MED21: variants seen among roughly 807,000 people sequenced by gnomAD.
The protein encoded by MED21 is mediator of RNA polymerase II transcription subunit 21.
MED21 carries 9 observed loss-of-function variants against 18.2 expected under a neutral mutation model. The ratio of observed to expected loss-of-function variants is 0.49; its 90% confidence interval spans 0.30 to 0.86. The LOEUF is 0.86. Among genes scored for constraint, MED21 ranks in the 40% least tolerant of loss-of-function variants. The pLI, the probability that MED21 is intolerant of heterozygous loss-of-function variation, is 0.07. For missense variants in MED21, 150 were observed against 170.9 expected (o/e 0.88, Z 0.68); for synonymous variants, 73 against 60.5 (o/e 1.21, Z -0.96).
chr12:27,033,897 A>G (rs1941634573), downstream of MED21, among the ~76,000 whole-genome samples: 1 of 152,246 alleles, frequency 6.6e-6, no homozygotes, highest in Non-Finnish European at 1.5e-5. Context: ...ATTAGGATAA[A>G]AAGTTGAAAA....
chr12:27,031,017 C>G (rs564005778), downstream of MED21, among the ~76,000 whole-genome samples: 4 of 152,362 alleles, frequency 2.6e-5, no homozygotes, highest in South Asian at 6.2e-4. Context: ...AAGTGATTCT[C>G]CTGCCTCAGC....
At chr12:27,037,318 T>C (rs935644853) in intron 2 of MED21, 1 of 151,986 alleles carries the variant, frequency 6.6e-6, no homozygotes, top group Non-Finnish European at 1.5e-5. Context: ...TGAAGTTGCT[T>C]ATCAGCTTAA....
In MED21 at chr12:27,022,559, T is replaced by A. The variant is rs753300666; in HGVS notation, c.-21T>A. ...TCGCGGAAGAGCAGCTGTTTTGGCG[T>A]CTGTTTGCTGCGGTAGGAACATGGC... On this transcript the variant is annotated 5_prime_UTR_variant, in exon 1 of 4. Transcript: ENST00000282892. 1 of 1,531,690 alleles carries A rather than the reference T, an allele frequency of 6.5e-7. No individual in the cohort carries two copies. Among genetic ancestry groups the A allele is most frequent in the Non-Finnish European group, 8.8e-7 (1 of 1,132,894 alleles). The allele number at this position is 1,531,690 out of a possible 1,614,324, so 94.9% of individuals were successfully genotyped here.
intron 2 of MED21, among the ~76,000 whole-genome samples, chr12:27,035,758 G>T (rs1233412446): frequency 6.6e-6 from 1 of 151,736 alleles, no homozygotes; most frequent in African/African-American, 2.4e-5. Context: ...TCCCTACAAA[G>T]GACATGAACT....
At chr12:27,032,758 T>G (rs982968354), downstream of MED21, among the ~76,000 whole-genome samples, 1 of 152,220 alleles carries the variant, frequency 6.6e-6, no homozygotes. Context: ...TCAAAATAAT[T>G]AGTTGAACTA....
rs2136488555 is a variant in MED21 at position 27,028,532 on chromosome 12, A to T, written c.*71A>T. 1 of 1,522,136 alleles carries T rather than the reference A, an allele frequency of 6.6e-7. No homozygotes were observed. The highest frequency in any genetic ancestry group is 1.8e-4 in the Middle Eastern group (1 of 5,664). The allele number at this position is 1,522,136 out of a possible 1,614,324, so 94.3% of individuals were successfully genotyped here. On this transcript the variant is annotated 3_prime_UTR_variant, in exon 4 of 4. Transcript: ENST00000282892. ...ATTAAGAATTCTGCATCAGACTTAG[A>T]TACAAGCCTTACCAACAATTACAGA...
chr12:27,034,034 GAA>G (rs760125587), downstream of MED21, among the ~76,000 whole-genome samples: 39 of 152,194 alleles, frequency 2.6e-4, no homozygotes, highest in Middle Eastern at 3.4e-3. Context: ...GAGTATGGCT[GAA>G]AAAAGAGTTT....
chr12:27,031,713 C>G (rs1479566392), downstream of MED21, among the ~76,000 whole-genome samples: 1 of 151,882 alleles, frequency 6.6e-6, no homozygotes, highest in Non-Finnish European at 1.5e-5. Flanking sequence ...AAAAAAAATG[C>G]TACTACAAAC....
intron 1 of MED21, among the ~76,000 whole-genome samples, chr12:27,023,370 G>A (rs1292912622): frequency 7.3e-6 from 1 of 136,070 alleles, no homozygotes; most frequent in Non-Finnish European, 1.5e-5. Context: ...CGCGATCTCT[G>A]CTCACTGCAT....
intron 2 of MED21, 56 bp downstream of exon 2, chr12:27,026,590 TTAAAA>T (rs1941547976): frequency 9.1e-7 from 1 of 1,095,758 alleles, no homozygotes; most frequent in African/African-American, 1.6e-5. Flanking sequence ...TTGTAATCCT[TTAAAA>T]TTAGATTTCT....
Position 27,022,592 on chromosome 12 carries a change from C to A in MED21, c.13C>A (p.Leu5Ile). The A allele has an allele frequency of 6.3e-7, 1 of 1,576,730 alleles. No homozygotes were observed. The highest frequency in any genetic ancestry group is 8.6e-7 in the Non-Finnish European group (1 of 1,156,476). Residue 5 changes from leucine to isoleucine, a missense_variant, in exon 1 of 4, where the codon CTC becomes ATC. Leu to Ile is a conservative substitution (Grantham distance 5). Transcript: ENST00000282892. ...CTGCGGTAGGAACATGGCGGATCGG[C>A]TCACGCAGCTTCAGGACGCTGTGAA... MADR[L>I]TQLQDAVNSL... is the part of the protein sequence containing the mutation.
chr12:27,022,728 G>C (rs1273308459), intron 1 of MED21, 107 bp downstream of exon 1: 8 of 1,595,088 alleles, frequency 5.0e-6, no homozygotes, highest in Non-Finnish European at 6.8e-6. Context: ...CGGACTGAGA[G>C]ACAGGGCTTC....
In MED21 at chr12:27,028,424, G is replaced by C; in HGVS notation, c.398G>C (p.Arg133Thr). ...ATTGCACAGTCACAGCTGAAGACAA[G>C]AAGTGGTACCCATAGCCAGTCTCTT... ...ADIAQSQLKT[R>T]SGTHSQSLPD... The change falls in exon 4 of 4, where the codon AGA becomes ACA. Residue 133 changes from arginine to threonine, a missense_variant. Transcript: ENST00000282892. 6.2e-7 allele frequency: 1 copy of C among 1,614,106 alleles called. No individual in the cohort carries two copies. The highest frequency in any genetic ancestry group is 1.7e-5 in the Admixed American group (1 of 60,008).
chr12:27,035,684 C>T (rs1433199465), downstream of MED21, among the ~76,000 whole-genome samples: 16 of 147,532 alleles, frequency 1.1e-4, no homozygotes, highest in South Asian at 2.2e-4. Flanking sequence ...TGAGAACATG[C>T]GGTGTTTGGT....
chr12:27,026,527 T>C lies in MED21; in HGVS notation c.150T>C (p.Pro50=), dbSNP rs1339130192. The change falls in exon 2 of 4, where the codon CCT becomes CCC. Residue 50 remains proline (P), a synonymous_variant. Transcript: ENST00000282892. ...TTAACAAAGACCAGCCAGCTAACCC[T>C]ACAGAAGGTAAACAGGTTTTCTTAG... is the stretch of plus-strand genomic sequence containing the variant. ...TAINKDQPAN[P]TEEYAQLFAA... is the part of the protein sequence containing the mutation. 1.2e-6 allele frequency: 2 copies of C among 1,609,402 alleles called. No individual in the cohort carries two copies. Among genetic ancestry groups the C allele is most frequent in the African/African-American group, 1.3e-5 (1 of 74,808 alleles).
Position 27,030,086 on chromosome 12 carries a change from A to C in MED21, c.*1625A>C, listed in dbSNP as rs1247454583. The stretch of plus-strand genomic sequence containing the variant: ...TTTGTTATTTGAAAGAAAAAAATTA[A>C]CGTTGTTGTATGTGATTCTCTGTAG... On this transcript the variant is annotated 3_prime_UTR_variant, in exon 4 of 4. Transcript: ENST00000282892. The C allele has an allele frequency of 2.1e-5, 10 of 474,974 alleles. No homozygotes were observed. In the East Asian group the frequency reaches 3.2e-4, roughly 15 times the overall value. The allele number at this position is 474,974 out of a possible 1,614,324, so 29.4% of individuals were successfully genotyped here.
chr12:27,035,217 A>T (rs1162305390), downstream of MED21, among the ~76,000 whole-genome samples: 2 of 152,172 alleles, frequency 1.3e-5, no homozygotes, highest in Non-Finnish European at 2.9e-5. Flanking sequence ...TCTCAAACAA[A>T]ATAAAAACAA....
At chr12:27,036,055 A>G (rs1234139555) in intron 2 of MED21, among the ~76,000 whole-genome samples, 4 of 152,216 alleles carry the variant, frequency 2.6e-5, no homozygotes, top group Non-Finnish European at 5.9e-5. Context: ...AGTCCCACCA[A>G]TAGTGTAAAA....
chr12:27,029,702 T>C lies in MED21; in HGVS notation c.*1241T>C, dbSNP rs1941592226. On this transcript the variant is annotated 3_prime_UTR_variant, in exon 4 of 4. Transcript: ENST00000282892. Reference sequence around the variant, plus strand: ...GGCTAGTCATAGAAAATTTTTGAACTTTTAACTGTATTTTAATTGATGTTT... The same window carrying C: ...GGCTAGTCATAGAAAATTTTTGAACCTTTAACTGTATTTTAATTGATGTTT... 6 of 985,348 alleles carry C rather than the reference T, an allele frequency of 6.1e-6. No homozygotes were observed. The Admixed American group carries it at 1.8e-4, about 30-fold the overall frequency. 61.0% of individuals were successfully genotyped at this position (985,348 alleles called of 1,614,324 possible).
Sources: allele counts gnomAD v4.1 joint callset (sites outside exome capture counted in the v4.1 genomes callset), GRCh38; gene constraint gnomAD v4.1.1; transcripts MANE v1.5; gene names NCBI Gene and HGNC (gene_info 2026-07-23, HGNC 2026-07-21).